Variants in MARK3 observed in about 807,000 individuals in gnomAD.
The protein encoded by MARK3 is microtubule affinity regulating kinase 3, also known as MAP/microtubule affinity-regulating kinase 3.
A neutral mutation model predicts 90.1 loss-of-function variants in MARK3; 46 were observed. The ratio of observed to expected loss-of-function variants is 0.51; its 90% CI spans 0.40 to 0.65. The LOEUF is 0.65. Ranked by LOEUF, MARK3 falls within the 30% of genes least tolerant of loss-of-function variation. The pLI is 0.00. For missense variants in MARK3, 818 were observed against 947.2 expected (o/e 0.86, Z 1.79); for synonymous variants, 321 against 332.6 (o/e 0.97, Z 0.38).
intron 12 of MARK3, among the ~76,000 whole-genome samples, chr14:103,470,383 C>T (rs935307731): frequency 6.6e-6 from 1 of 150,910 alleles, no homozygotes; most frequent in Admixed American, 6.6e-5. Context: ...GTTTACTTGC[C>T]CATAACTATA....
rs1595681650 is a variant in MARK3, at chr14:103,438,780, CT to C, written c.298-10138del. ...TGACCAAGGCAGGCAGATTGCTGAG[CT>C]CAGGAGTTCAAGACCAGCCTGGGCA... On this transcript the variant is annotated intron_variant, in intron 3 of 17. Transcript: ENST00000429436. Among the ~76,000 whole-genome samples the C allele has an allele frequency of 3.3e-5, 5 of 152,068 alleles. No homozygotes were observed. The East Asian group carries it at 7.7e-4, about 23-fold the overall frequency.
chr14:103,395,123 G>C (rs1484725531), intron 1 of MARK3, among the ~76,000 whole-genome samples: 2 of 152,168 alleles, frequency 1.3e-5, no homozygotes, highest in African/African-American at 2.4e-5. Flanking sequence ...GATGGAAAGA[G>C]TCTGGGCTTG....
At chr14:103,410,159 T>C (rs1177300973) in intron 2 of MARK3, among the ~76,000 whole-genome samples, 2 of 152,206 alleles carry the variant, frequency 1.3e-5, no homozygotes, top group African/African-American at 2.4e-5. Context: ...GACTAGGTAA[T>C]TTATAAAGAT....
chr14:103,442,196 G>A (rs779249731), intron 3 of MARK3, among the ~76,000 whole-genome samples: 4 of 152,122 alleles, frequency 2.6e-5, no homozygotes, highest in South Asian at 2.1e-4. Context: ...GTGAAGCCCC[G>A]TCTCTACTAA....
chr14:103,440,063 G>A (rs553760161), intron 3 of MARK3, among the ~76,000 whole-genome samples: 4 of 152,216 alleles, frequency 2.6e-5, no homozygotes, highest in Non-Finnish European at 5.9e-5. Context: ...GGGATTACAG[G>A]TGTGAACCAC....
At chr14:103,406,911 G>A (rs1352086122) in intron 2 of MARK3, among the ~76,000 whole-genome samples, 2 of 152,150 alleles carry the variant, frequency 1.3e-5, no homozygotes, top group African/African-American at 4.8e-5. Context: ...TCGGCTCACT[G>A]CAAGCTCCGC....
chr14:103,502,909 T>C lies in MARK3; in HGVS notation c.1944T>C (p.Asp648=). ...GCAATGTATCTGCTGAGCAAAAAGA[T>C]GAAAACAAAGAAGCAAAGCCTCGAT... The part of the protein sequence containing the change: ...SSRNVSAEQK[D]ENKEAKPRSL... Residue 648 remains aspartate, a synonymous_variant, in exon 18 of 18, where the codon GAT becomes GAC. Transcript: ENST00000429436. 1 of 1,612,362 alleles carries C rather than the reference T, an allele frequency of 6.2e-7. No individual in the cohort carries two copies.
intron 1 of MARK3, among the ~76,000 whole-genome samples, chr14:103,389,762 G>A (rs2090097876): frequency 6.6e-6 from 1 of 150,610 alleles, no homozygotes; most frequent in Non-Finnish European, 1.5e-5. Context: ...TGACCAAGAT[G>A]GCAAAACCCT....
At chr14:103,474,403 A>G (rs1285303627) in intron 12 of MARK3, among the ~76,000 whole-genome samples, 1 of 152,142 alleles carries the variant, frequency 6.6e-6, no homozygotes, top group African/African-American at 2.4e-5. Context: ...ATGTCCCTGG[A>G]CACACTCCTC....
chr14:103,394,779 C>G (rs1246897959), intron 1 of MARK3, among the ~76,000 whole-genome samples: 1 of 152,006 alleles, frequency 6.6e-6, no homozygotes, highest in Non-Finnish European at 1.5e-5. Flanking sequence ...TTTTACATAA[C>G]TCTAGTCTTT....
At chr14:103,393,949 G>T (rs2090426566) in intron 1 of MARK3, among the ~76,000 whole-genome samples, 1 of 152,056 alleles carries the variant, frequency 6.6e-6, no homozygotes, top group Non-Finnish European at 1.5e-5. Flanking sequence ...AGCCAGGCTG[G>T]TCTCAAACTC....
chr14:103,402,399 A>G (rs1247050048), intron 1 of MARK3, among the ~76,000 whole-genome samples: 1 of 152,100 alleles, frequency 6.6e-6, no homozygotes, highest in Admixed American at 6.6e-5. Flanking sequence ...CTAAAAATAC[A>G]AAAATTAGCC....
chr14:103,451,886 CT>C, intron 4 of MARK3, 31 bp from the exon 5 acceptor site: 2 of 1,542,864 alleles, frequency 1.3e-6, no homozygotes, highest in Non-Finnish European at 1.8e-6. Context: ...ACATTTGTCT[CT>C]TTTTCTTCCG....
At chr14:103,441,086 A>AT (rs1451045097) in intron 3 of MARK3, among the ~76,000 whole-genome samples, 1 of 150,684 alleles carries the variant, frequency 6.6e-6, no homozygotes, top group Non-Finnish European at 1.5e-5. Flanking sequence ...TTTCTAGTGG[A>AT]TTTTTTCTTA....
chr14:103,500,962 A>T (rs9671414), intron 17 of MARK3, among the ~76,000 whole-genome samples: 3 of 152,048 alleles, frequency 2.0e-5, no homozygotes, highest in Admixed American at 2.0e-4. Context: ...CATGGATTTG[A>T]GGGGAGGCAA....
At position 103,478,819 on chromosome 14, in the gene MARK3, G is replaced by A. The variant is rs568837047; in HGVS notation, c.1483-1568G>A. Among the ~76,000 whole-genome samples, 482 of 152,290 alleles carry A rather than the reference G, an allele frequency of 3.2e-3. 2 individuals carry two copies. The highest frequency in any genetic ancestry group is 4.8e-3 in the Admixed American group (73 of 15,298). On this transcript the variant is annotated intron_variant, in intron 13 of 17. Coordinates refer to ENST00000429436, the MANE Select transcript of MARK3 (RefSeq NM_001128918.3). ...CTCCCAAAGCGCTGGGATTACAGGC[G>A]TGAGCCACTGTGCCCAGCCTGCAGC...
At chr14:103,491,551 A>G (rs1034310537) in intron 14 of MARK3, 8 of 485,198 alleles carry the variant, frequency 1.6e-5, no homozygotes, top group East Asian at 7.1e-5. Flanking sequence ...CCTTGAAAAT[A>G]TATATAATAC....
intron 17 of MARK3, 148 bp downstream of exon 17, chr14:103,500,348 C>T: frequency 1.6e-6 from 1 of 611,718 alleles, no homozygotes; most frequent in African/African-American, 1.9e-5. Context: ...GGGGCGCCAG[C>T]CTGCCATGAG....
At chr14:103,413,794 T>C (rs2091803501) in intron 2 of MARK3, among the ~76,000 whole-genome samples, 1 of 152,054 alleles carries the variant, frequency 6.6e-6, no homozygotes, top group Non-Finnish European at 1.5e-5. Context: ...TAAAATGGGA[T>C]CATATGGTAT....
Sources: gnomAD v4.1 joint callset for allele counts (sites outside exome capture counted in the v4.1 genomes callset) on GRCh38, gnomAD v4.1.1 for gene constraint, MANE v1.5 for transcripts, NCBI Gene and HGNC (gene_info 2026-07-23, HGNC 2026-07-21) for gene names.